ABCB7: variants seen among roughly 807,000 people sequenced by gnomAD.
ABCB7 encodes the protein iron-sulfur clusters transporter ABCB7, mitochondrial.
ABCB7 carries 7 observed loss-of-function variants against 54.4 expected under a neutral mutation model. The ratio of observed to expected loss-of-function variants is 0.13; its 90% CI spans 0.07 to 0.24. The LOEUF (loss-of-function observed/expected upper bound fraction) is 0.24, where lower values mean the gene tolerates loss of function less well. Ranked by LOEUF, ABCB7 falls within the 10% of genes least tolerant of loss-of-function variation. The pLI is 1.00. For synonymous variants in ABCB7, 218 were observed against 207.1 expected (o/e 1.05, Z -0.45); for missense variants, 356 against 570.4 (o/e 0.62, Z 3.83).
chrX:75,122,861 G>GGGGTGTGTGTGTGTGTGT (rs1555954494), intron 1 of ABCB7, among the ~76,000 whole-genome samples: 2 of 93,152 alleles, frequency 2.1e-5, no homozygotes, highest in East Asian at 8.4e-4. Context: ...TTAAAATTGG[G>GGGGTGTGTGTGTGTGTGT]GTGTGTGTGT....
At chrX:75,082,690 G>A (rs1043566246) in intron 4 of ABCB7, among the ~76,000 whole-genome samples, 3 of 111,457 alleles carry the variant, frequency 2.7e-5, no homozygotes, top group Non-Finnish European at 3.8e-5. Flanking sequence ...AAATATAAAG[G>A]GGGAAGGTAA....
chrX:75,147,312 T>C (rs976158649), intron 1 of ABCB7, among the ~76,000 whole-genome samples: 3 of 111,641 alleles, frequency 2.7e-5, no homozygotes, highest in South Asian at 3.8e-4. Flanking sequence ...AGCAATCCTA[T>C]TACTGGGTAT....
At chrX:75,067,472 T>C (rs1227736048) in intron 12 of ABCB7, among the ~76,000 whole-genome samples, 1 of 111,138 alleles carries the variant, frequency 9.0e-6, no homozygotes, top group Non-Finnish European at 1.9e-5. Context: ...GATTAGTGTT[T>C]CTTTTTCCTT....
chrX:75,081,336 T>C (rs2081454003), intron 4 of ABCB7, among the ~76,000 whole-genome samples: 1 of 110,400 alleles, frequency 9.1e-6, no homozygotes, highest in African/African-American at 3.3e-5. Context: ...AGTGAAAAAA[T>C]AGAAGACTCA....
intron 4 of ABCB7, among the ~76,000 whole-genome samples, chrX:75,087,133 C>T (rs922237328): frequency 8.9e-5 from 10 of 111,827 alleles, no homozygotes; most frequent in African/African-American, 3.3e-4. Context: ...AGGGCTGCTG[C>T]TACTACTCTG....
At chrX:75,087,966 T>A (rs1190109974) in intron 4 of ABCB7, among the ~76,000 whole-genome samples, 1 of 112,091 alleles carries the variant, frequency 8.9e-6, no homozygotes, top group African/African-American at 3.2e-5. Context: ...AGTCCTCTTA[T>A]CTAAATCCTC....
chrX:75,094,674 C>T (rs1180472507), intron 4 of ABCB7, among the ~76,000 whole-genome samples: 1 of 111,271 alleles, frequency 9.0e-6, no homozygotes, highest in Non-Finnish European at 1.9e-5. Context: ...GATCATGCCA[C>T]TGCACTCCAG....
At chrX:75,099,939 C>G (rs763952347) in intron 3 of ABCB7, among the ~76,000 whole-genome samples, 1 of 109,426 alleles carries the variant, frequency 9.1e-6, no homozygotes, top group Non-Finnish European at 1.9e-5. Flanking sequence ...CTGCTGAGGG[C>G]ATATGAAAAT....
chrX:75,066,608 T>C lies in ABCB7; in HGVS notation c.1660-1367A>G, dbSNP rs2081320408. 3.6e-5 allele frequency among the ~76,000 whole-genome samples: 4 copies of C among 111,177 alleles called. No individual in the cohort carries two copies. In the Admixed American group the frequency reaches 3.9e-4, roughly 11 times the overall value. ...GACATGTTAATTTGCTTCTCTACAG[T>C]AATATAATTATCTATATGTATCTCA... is the stretch of plus-strand genomic sequence containing the variant. On this transcript the variant is annotated intron_variant, in intron 12 of 15. Coordinates refer to ENST00000373394, the MANE Select transcript of ABCB7 (RefSeq NM_001271696.3).
intron 1 of ABCB7, among the ~76,000 whole-genome samples, chrX:75,139,443 T>G (rs927592932): frequency 1.3e-4 from 14 of 111,901 alleles, no homozygotes; most frequent in Non-Finnish European, 2.6e-4. Context: ...CAGTCAAAAT[T>G]TACCACCTTC....
chrX:75,152,879 C>T (rs1431608899), intron 1 of ABCB7, among the ~76,000 whole-genome samples: 3 of 110,062 alleles, frequency 2.7e-5, no homozygotes, highest in African/African-American at 6.6e-5. Context: ...AGGCTGGTCT[C>T]GAGCTCTTGA....
At chrX:75,129,127 C>T (rs1192419847) in intron 1 of ABCB7, among the ~76,000 whole-genome samples, 4 of 111,966 alleles carry the variant, frequency 3.6e-5, no homozygotes, top group Non-Finnish European at 5.6e-5. Context: ...AATCATGCTA[C>T]TATAAAGACA....
intron 15 of ABCB7, among the ~76,000 whole-genome samples, chrX:75,057,080 ATTTAAT>A (rs1214986067): frequency 2.7e-5 from 3 of 110,598 alleles, no homozygotes; most frequent in Non-Finnish European, 5.7e-5. Flanking sequence ...ATCCTTGTTG[ATTTAAT>A]TTTATTTTTG....
chrX:75,075,475 C>A lies in ABCB7; in HGVS notation c.742G>T (p.Ala248Ser). The change falls in exon 6 of 16, where the codon GCT becomes TCT. Residue 248 changes from alanine (A) to serine (S), a missense_variant. Transcript: ENST00000373394. ...LGFHLSRQTG[A>S]LSKAIDRGTR... ...CCTCTGTCAATAGCCTTAGATAAAG[C>A]TCCCGTCTGTCTGCTCAGGTGAAAA... 8.3e-7 allele frequency: 1 copy of A among 1,211,407 alleles called. No homozygotes were observed. The highest frequency in any genetic ancestry group is 1.1e-6 in the Non-Finnish European group (1 of 895,282).
intron 1 of ABCB7, among the ~76,000 whole-genome samples, chrX:75,150,883 T>C (rs1281845050): frequency 2.7e-5 from 3 of 111,294 alleles, no homozygotes; most frequent in Non-Finnish European, 5.7e-5. Context: ...AAAATTTTGA[T>C]GTAAGTTTCC....
At position 75,068,154 on chromosome X, in the gene ABCB7, A is replaced by G. The variant is rs772976422; in HGVS notation, c.1659+853T>C. The stretch of plus-strand genomic sequence containing the variant: ...TGTGGGATTTTCAGTGAAAAAGAGG[A>G]CAGGGGAGAGTCCATGTGTGCGATC... On this transcript the variant is annotated intron_variant, in intron 12 of 15. Coordinates refer to ENST00000373394, the MANE Select transcript of ABCB7 (RefSeq NM_001271696.3). Among the ~76,000 whole-genome samples, 5 of 110,945 alleles carry G rather than the reference A, an allele frequency of 4.5e-5. No homozygotes were observed. The Admixed American group carries it at 4.8e-4, about 11-fold the overall frequency.
At chrX:75,058,617 G>A (rs765116629) in intron 15 of ABCB7, among the ~76,000 whole-genome samples, 6 of 111,518 alleles carry the variant, frequency 5.4e-5, no homozygotes, top group Non-Finnish European at 1.1e-4. Context: ...ATCAAATTAT[G>A]AATAATAAAG....
At position 75,053,290 on chromosome X, in the gene ABCB7, T is replaced by A. The variant is rs1364984590; in HGVS notation, c.*80A>T. On this transcript the variant is annotated 3_prime_UTR_variant, in exon 16 of 16. Coordinates refer to ENST00000373394, the MANE Select transcript of ABCB7 (RefSeq NM_001271696.3). ...AAGGATTATAGAAAATGGGAATGTA[T>A]GATTTTTTTAATAAAACAATTCTGC... is the stretch of plus-strand genomic sequence containing the variant. The A allele has an allele frequency of 6.2e-6, 7 of 1,130,592 alleles. No individual in the cohort carries two copies. The highest frequency in any genetic ancestry group is 8.4e-6 in the Non-Finnish European group (7 of 833,996). The allele number at this position is 1,130,592 out of a possible 1,213,427, so 93.2% of individuals were successfully genotyped here.
intron 1 of ABCB7, among the ~76,000 whole-genome samples, chrX:75,142,089 T>C (rs982878991): frequency 9.0e-6 from 1 of 111,142 alleles, no homozygotes; most frequent in African/African-American, 3.3e-5. Context: ...AATTAACAAA[T>C]GTAGAAGGAA....
Sources: allele counts gnomAD v4.1 joint callset (sites outside exome capture counted in the v4.1 genomes callset), GRCh38; gene constraint gnomAD v4.1.1; transcripts MANE v1.5; gene names NCBI Gene and HGNC (gene_info 2026-07-23, HGNC 2026-07-21).